RAP1GAP2: variants seen among roughly 807,000 people sequenced by gnomAD.
RAP1GAP2 encodes the protein RAP1 GTPase activating protein 2, also known as rap1 GTPase-activating protein 2.
A neutral mutation model predicts 95.0 loss-of-function variants in RAP1GAP2; 27 were observed. The observed-to-expected ratio is 0.28, with a 90% CI of 0.21 to 0.39. The LOEUF is 0.39. RAP1GAP2 is among the 10% of genes least tolerant of loss of function. The pLI, the probability that RAP1GAP2 is intolerant of heterozygous loss-of-function variation, is 1.00. For synonymous variants in RAP1GAP2, 373 were observed against 380.9 expected, an observed-to-expected ratio of 0.98 and a Z score of 0.24; for missense variants, 771 against 970.0, an observed-to-expected ratio of 0.79 and a Z score of 2.72.
chr17:3,020,644 AC>A (rs1345020048), intron 19 of RAP1GAP2, 49 bp downstream of exon 19: 11 of 1,501,586 alleles, frequency 7.3e-6, no homozygotes, highest in African/African-American at 1.4e-5. Context: ...GGGTCTGTCA[AC>A]CCCCTCCACT....
chr17:2,983,450 C>G (rs1000253443), intron 10 of RAP1GAP2, among the ~76,000 whole-genome samples: 2 of 152,238 alleles, frequency 1.3e-5, no homozygotes, highest in Non-Finnish European at 2.9e-5. Context: ...AAAAACAAAA[C>G]AAAACAGAAA....
chr17:2,930,247 G>T (rs2043098855), intron 3 of RAP1GAP2, among the ~76,000 whole-genome samples: 1 of 152,250 alleles, frequency 6.6e-6, no homozygotes, highest in African/African-American at 2.4e-5. Context: ...AGGCCCCCTT[G>T]TGGCCAATAC....
At chr17:3,017,307 C>G (rs142475125) in intron 17 of RAP1GAP2, among the ~76,000 whole-genome samples, 1 of 151,814 alleles carries the variant, frequency 6.6e-6, no homozygotes, top group African/African-American at 2.4e-5. Flanking sequence ...TCCTGGGTGG[C>G]CTGAGCAGCT....
chr17:2,841,570 TGCTG>T, intron 2 of RAP1GAP2, among the ~76,000 whole-genome samples: 1 of 152,044 alleles, frequency 6.6e-6, no homozygotes, highest in Admixed American at 6.6e-5. Context: ...CCTCGGAAAG[TGCTG>T]GGATTACAGG....
At chr17:2,852,579 C>T (rs1304258087) in intron 2 of RAP1GAP2, among the ~76,000 whole-genome samples, 2 of 152,266 alleles carry the variant, frequency 1.3e-5, no homozygotes, top group East Asian at 3.9e-4. Flanking sequence ...TGCTTGAACA[C>T]CAGACTATTA....
At chr17:2,829,173 G>A (rs541792513) in intron 2 of RAP1GAP2, among the ~76,000 whole-genome samples, 6 of 151,878 alleles carry the variant, frequency 4.0e-5, no homozygotes, top group South Asian at 4.2e-4. Context: ...TAGTAGAGAC[G>A]GGGTTTCGCC....
Position 2,965,487 on chromosome 17 carries a change from ATACCTGGAAGGTT to A in RAP1GAP2, c.493-51_493-39del. ...GTGAAGGAGGTGGTTTAGGGGGAAC[ATACCTGGAAGGTT>A]TCTTCCTCCTTCCTGCTCACACTCA... On this transcript the variant is annotated intron_variant, in intron 7 of 24. Transcript: ENST00000254695. The surrounding 1 kb of genome is among the most constrained non-coding windows in gnomAD (Gnocchi z 4.7). 1 of 1,404,882 alleles carries A rather than the reference ATACCTGGAAGGTT, an allele frequency of 7.1e-7. No homozygotes were observed. Among genetic ancestry groups the A allele is most frequent in the Non-Finnish European group, 9.9e-7 (1 of 1,011,836 alleles). 87.0% of individuals were successfully genotyped at this position (1,404,882 alleles called of 1,614,324 possible).
intron 5 of RAP1GAP2, 72 bp downstream of exon 5, chr17:2,962,786 G>A (rs1324700744): frequency 4.3e-6 from 6 of 1,394,054 alleles, no homozygotes; most frequent in Non-Finnish European, 5.8e-6. Context: ...GGCAGGAGGG[G>A]CTGCCGGGAT....
rs1411869064 is a variant in RAP1GAP2 at position 2,827,126 on chromosome 17, G to A, written c.80+26576G>A. On this transcript the variant is annotated intron_variant, in intron 2 of 24. Transcript: ENST00000254695. This position sits in a 1 kb window ranked among gnomAD's most constrained non-coding sequence, Gnocchi z 4.1. ...AGTAGTCACGTGGGTGAGGCAGGAG[G>A]GAAGCCTAGTAGCAGAGAAGATGAT... Among the ~76,000 whole-genome samples the A allele has an allele frequency of 2.6e-5, 4 of 152,198 alleles. No individual in the cohort carries two copies. The highest frequency in any genetic ancestry group is 9.6e-5 in the African/African-American group (4 of 41,454).
intron 2 of RAP1GAP2, among the ~76,000 whole-genome samples, chr17:2,829,193 A>C (rs1282462112): frequency 6.6e-6 from 1 of 152,038 alleles, no homozygotes; most frequent in African/African-American, 2.4e-5. Flanking sequence ...CATGTTGGCC[A>C]GGCTAGTCTC....
Position 3,005,211 on chromosome 17 carries a change from G to A in RAP1GAP2, c.1201-158G>A, listed in dbSNP as rs2046296090. 1.3e-6 allele frequency: 1 copy of A among 766,966 alleles called. No homozygotes were observed. The highest frequency in any genetic ancestry group is 1.9e-5 in the Admixed American group (1 of 53,488). 47.5% of individuals were successfully genotyped at this position (766,966 alleles called of 1,614,324 possible). On this transcript the variant is annotated intron_variant, in intron 14 of 24. Coordinates refer to ENST00000254695, the MANE Select transcript of RAP1GAP2 (RefSeq NM_015085.5). This position sits in a 1 kb window ranked among gnomAD's most constrained non-coding sequence, Gnocchi z 5.2. ...GTCCGGCCCCACTTCTAGGAACAGG[G>A]TCAGGGCCTGTGCTGGCGATGCTCA...
chr17:2,920,822 T>G (rs1270957482), intron 3 of RAP1GAP2, among the ~76,000 whole-genome samples: 2 of 152,222 alleles, frequency 1.3e-5, no homozygotes, highest in Non-Finnish European at 2.9e-5. Context: ...TCTACTCCAC[T>G]GAGACCGGCT....
At chr17:2,911,260 A>ATTTTTTTTTTTTTTTTT (rs34227127) in intron 3 of RAP1GAP2, among the ~76,000 whole-genome samples, 12 of 132,028 alleles carry the variant, frequency 9.1e-5, no homozygotes, top group African/African-American at 3.0e-4. Context: ...TTTGAAGGGG[A>ATTTTTTTTTTTTTTTTT]TTTTTTTTTT....
chr17:2,933,960 G>C (rs1422446023), intron 3 of RAP1GAP2, among the ~76,000 whole-genome samples: 1 of 152,252 alleles, frequency 6.6e-6, no homozygotes, highest in African/African-American at 2.4e-5. Flanking sequence ...AGCCCCAGTT[G>C]TTTCTTGGAA....
intron 3 of RAP1GAP2, among the ~76,000 whole-genome samples, chr17:2,933,475 C>T (rs924620881): frequency 6.6e-6 from 1 of 152,204 alleles, no homozygotes; most frequent in East Asian, 1.9e-4. Context: ...AAGCTTGGAG[C>T]GAAGCAGAGA....
rs192811384 is a variant in RAP1GAP2, at chr17:2,858,098, T to C, written c.81-47186T>C. 2.9e-3 allele frequency among the ~76,000 whole-genome samples: 435 copies of C among 152,130 alleles called. 1 individual carries two copies. The highest frequency in any genetic ancestry group is 4.3e-3 in the Non-Finnish European group (290 of 67,990). ...CTGGGCAACACAGCGAGACTCTGTC[T>C]CAAAAAAAAGGTACGTTCTGAAAGA... On this transcript the variant is annotated intron_variant, in intron 2 of 24. Coordinates refer to ENST00000254695, the MANE Select transcript of RAP1GAP2 (RefSeq NM_015085.5).
chr17:2,960,663 C>T (rs1286337233), intron 4 of RAP1GAP2, among the ~76,000 whole-genome samples: 1 of 152,222 alleles, frequency 6.6e-6, no homozygotes, highest in African/African-American at 2.4e-5. Flanking sequence ...TCTGGGGCCC[C>T]AGTGTCCTCG....
chr17:3,008,948 T>A lies in RAP1GAP2; in HGVS notation c.1494+803T>A, dbSNP rs2046421801. ...CTCAGGTCCTTACACCGAGGCAGAGTTAGAGCCTCATTTCAAACGCAGGTC... is the reference window on the plus strand; with the variant it reads ...CTCAGGTCCTTACACCGAGGCAGAGATAGAGCCTCATTTCAAACGCAGGTC... On this transcript the variant is annotated intron_variant, in intron 17 of 24. Coordinates refer to ENST00000254695, the MANE Select transcript of RAP1GAP2 (RefSeq NM_015085.5). The surrounding 1 kb of genome is among the most constrained non-coding windows in gnomAD (Gnocchi z 4.2). Among the ~76,000 whole-genome samples the A allele has an allele frequency of 6.6e-6, 1 of 151,936 alleles. No individual in the cohort carries two copies. The highest frequency in any genetic ancestry group is 2.4e-5 in the African/African-American group (1 of 41,350).
At chr17:2,923,733 A>T (rs1299099526) in intron 3 of RAP1GAP2, among the ~76,000 whole-genome samples, 1 of 152,122 alleles carries the variant, frequency 6.6e-6, no homozygotes, top group Non-Finnish European at 1.5e-5. Flanking sequence ...TGATATATGC[A>T]TATTATAAAG....
Sources: gnomAD v4.1 joint callset for allele counts (sites outside exome capture counted in the v4.1 genomes callset) on GRCh38, gnomAD v4.1.1 for gene constraint, Gnocchi (gnomAD v3.1) non-coding constraint, MANE v1.5 for transcripts, NCBI Gene and HGNC (gene_info 2026-07-23, HGNC 2026-07-21) for gene names.